Variants in UCK2 observed in about 807,000 individuals in gnomAD.
The protein encoded by UCK2 is uridine-cytidine kinase 2.
A neutral mutation model predicts 30.8 loss-of-function variants in UCK2; 6 were observed. The ratio of observed to expected loss-of-function variants is 0.19; its 90% confidence interval spans 0.11 to 0.38. The LOEUF is 0.38. UCK2 is among the 10% of genes least tolerant of loss of function. UCK2 has a pLI of 1.00. For synonymous variants in UCK2, 125 were observed against 133.6 expected (o/e 0.94, Z 0.45); for missense variants, 210 against 339.8 (o/e 0.62, Z 3.00).
intron 2 of UCK2, 31 bp from the exon 3 acceptor site, chr1:165,891,193 TAA>T (rs1408468033): frequency 1.3e-6 from 2 of 1,578,408 alleles, no homozygotes; most frequent in South Asian, 2.2e-5. Flanking sequence ...ATTTTAAAAT[TAA>T]GAAACATTTT....
intron 1 of UCK2, among the ~76,000 whole-genome samples, chr1:165,886,632 C>G (rs1416446451): frequency 6.6e-6 from 1 of 152,124 alleles, no homozygotes; most frequent in East Asian, 1.9e-4. Context: ...CCTCAGAGCT[C>G]CATTTCATCC....
At chr1:165,903,516 T>A (rs573076565) in intron 5 of UCK2, among the ~76,000 whole-genome samples, 1 of 152,242 alleles carries the variant, frequency 6.6e-6, no homozygotes, top group East Asian at 1.9e-4. Context: ...CTGCCAGTCC[T>A]TAGGCAGGTC....
chr1:165,855,968 C>T (rs114559699), intron 1 of UCK2, among the ~76,000 whole-genome samples: 193 of 151,970 alleles, frequency 1.3e-3, no homozygotes, highest in Non-Finnish European at 1.2e-3. Context: ...TCTGGTCCAG[C>T]GGTTGGGAAT....
intron 1 of UCK2, among the ~76,000 whole-genome samples, chr1:165,881,564 T>A (rs1655502049): frequency 6.6e-6 from 1 of 152,236 alleles, no homozygotes; most frequent in African/African-American, 2.4e-5. Context: ...TCACTTAATC[T>A]GCTTCTCTGA....
At chr1:165,890,408 G>GTT (rs78252746) in intron 2 of UCK2, 45 bp downstream of exon 2, 15 of 1,582,898 alleles carry the variant, frequency 9.5e-6, no homozygotes, top group African/African-American at 1.4e-5. Flanking sequence ...TTGGTGTGTT[G>GTT]GGGGGAATAG....
chr1:165,904,392 G>A (rs947429952), intron 5 of UCK2, among the ~76,000 whole-genome samples: 1 of 152,182 alleles, frequency 6.6e-6, no homozygotes, highest in Non-Finnish European at 1.5e-5. Flanking sequence ...AGTTACAAGA[G>A]TAGGTTACTG....
rs1557838647 is a variant in UCK2 at position 165,861,659 on chromosome 1, ACAAC to A, written c.100-28544_100-28541del. On this transcript the variant is annotated intron_variant, in intron 1 of 6. Transcript: ENST00000367879. ...AAAAAAAAAAAAAAAACAAAAAAAA[ACAAC>A]AGTAAAACTCAATAGCTCTGGTTTA... Among the ~76,000 whole-genome samples the A allele has an allele frequency of 6.4e-3, 297 of 46,168 alleles. 41 individuals are homozygous for A. Among genetic ancestry groups the A allele is most frequent in the Non-Finnish European group, 9.0e-3 (203 of 22,658 alleles). 30.3% of individuals were successfully genotyped at this position (46,168 alleles called of 152,430 possible). A position where few individuals can be genotyped will look rare whatever the true frequency, so the allele number is the denominator to read the frequency against.
chr1:165,875,286 A>G (rs2101873025), intron 1 of UCK2, among the ~76,000 whole-genome samples: 1 of 152,326 alleles, frequency 6.6e-6, no homozygotes, highest in Middle Eastern at 3.4e-3. Context: ...GGTATGTTAG[A>G]GTCAGGAATC....
At chr1:165,851,136 C>A (rs1451200211) in intron 1 of UCK2, among the ~76,000 whole-genome samples, 2 of 152,016 alleles carry the variant, frequency 1.3e-5, no homozygotes, top group African/African-American at 4.8e-5. Flanking sequence ...ATTCTGCTCC[C>A]CCTGTTATCT....
intron 1 of UCK2, among the ~76,000 whole-genome samples, chr1:165,831,106 C>T (rs982977223): frequency 2.0e-5 from 3 of 150,152 alleles, no homozygotes; most frequent in African/African-American, 4.9e-5. Flanking sequence ...AGACCTGTCT[C>T]GAACAAAAAC....
chr1:165,849,999 G>A (rs1277985924), intron 1 of UCK2, among the ~76,000 whole-genome samples: 1 of 152,214 alleles, frequency 6.6e-6, no homozygotes, highest in Non-Finnish European at 1.5e-5. Context: ...TTGGACTGGA[G>A]TGACCCAGAA....
chr1:165,884,578 T>C (rs2101878342), intron 1 of UCK2, among the ~76,000 whole-genome samples: 1 of 152,332 alleles, frequency 6.6e-6, no homozygotes, highest in Non-Finnish European at 1.5e-5. Flanking sequence ...GGAGGGTATA[T>C]GACAAAGAGG....
rs114366498 is a variant in UCK2 at position 165,847,042 on chromosome 1, G to A, written c.99+19110G>A. Among the ~76,000 whole-genome samples the A allele has an allele frequency of 7.6e-3, 1,153 of 152,218 alleles. 7 individuals carry two copies. The highest frequency in any genetic ancestry group is 0.013 in the Non-Finnish European group (872 of 68,024). On this transcript the variant is annotated intron_variant, in intron 1 of 6. Transcript: ENST00000367879. ...ACCCTCATTTAACTGGCCAGTTAAT[G>A]AGGCTGCTGCTGCTGTGAAGTGTGT...
At chr1:165,890,444 C>A in intron 2 of UCK2, 81 bp downstream of exon 2, 1 of 1,427,564 alleles carries the variant, frequency 7.0e-7, no homozygotes, top group Non-Finnish European at 9.7e-7. Context: ...GAGGAAGTTG[C>A]TTAACCTCTC....
intron 1 of UCK2, among the ~76,000 whole-genome samples, chr1:165,848,702 A>G (rs968732466): frequency 6.6e-6 from 1 of 152,048 alleles, no homozygotes; most frequent in African/African-American, 2.4e-5. Flanking sequence ...TGAGCTTTAC[A>G]TCCATAGATG....
At chr1:165,850,803 T>C (rs1557835350) in intron 1 of UCK2, among the ~76,000 whole-genome samples, 1 of 151,442 alleles carries the variant, frequency 6.6e-6, no homozygotes. Flanking sequence ...TTTGTATTTT[T>C]AGTAGAGACG....
intron 1 of UCK2, among the ~76,000 whole-genome samples, chr1:165,860,048 G>A (rs1342890097): frequency 1.3e-5 from 2 of 152,186 alleles, no homozygotes; most frequent in Non-Finnish European, 2.9e-5. Context: ...GGAGGTTCAA[G>A]CCACCATCAT....
intron 2 of UCK2, chr1:165,890,675 G>C (rs1655743011): frequency 6.1e-6 from 2 of 330,020 alleles, no homozygotes; most frequent in Non-Finnish European, 1.2e-5. Context: ...TGCTGCCTCT[G>C]ATCTGAGGCA....
chr1:165,875,061 C>T (rs1655303371), intron 1 of UCK2, among the ~76,000 whole-genome samples: 1 of 149,176 alleles, frequency 6.7e-6, no homozygotes, highest in African/African-American at 2.5e-5. Flanking sequence ...AAAAAGCTTC[C>T]TAATGGACTT....
Sources: gnomAD v4.1 joint callset for allele counts (sites outside exome capture counted in the v4.1 genomes callset) on GRCh38, gnomAD v4.1.1 for gene constraint, MANE v1.5 for transcripts, NCBI Gene and HGNC (gene_info 2026-07-23, HGNC 2026-07-21) for gene names.